GRIP1: variants seen among roughly 807,000 people sequenced by gnomAD.
GRIP1 encodes the protein glutamate receptor-interacting protein 1.
GRIP1 carries 45 observed loss-of-function variants against 129.9 expected under a neutral mutation model. That is an observed-to-expected ratio of 0.35 (90% CI 0.27 to 0.44). The LOEUF (loss-of-function observed/expected upper bound fraction) is 0.44, where lower values mean the gene tolerates loss of function less well. GRIP1 is among the 20% of genes least tolerant of loss of function. The probability of loss-of-function intolerance (pLI) is 1.00; values close to 1 mark genes in which losing one functional copy is unlikely to be tolerated. For synonymous variants in GRIP1, 530 were observed against 520.8 expected (o/e 1.02, Z -0.24); for missense variants, 1,196 against 1,396.8 (o/e 0.86, Z 2.29).
intron 1 of GRIP1, among the ~76,000 whole-genome samples, chr12:66,942,572 T>C (rs1342923943): frequency 6.6e-6 from 1 of 152,212 alleles, no homozygotes; most frequent in Non-Finnish European, 1.5e-5. Context: ...TAATCACACC[T>C]GGCATCCTTC....
rs372577258 is a variant in GRIP1 at position 66,396,845 on chromosome 12, T to G, written c.1985-2493A>C. The stretch of plus-strand genomic sequence containing the variant: ...AGGAGATTTGGCCAGGTGCAGTGGC[T>G]CACACCTGTAATCCCAGCGCTTTGG... On this transcript the variant is annotated intron_variant, in intron 16 of 24. Transcript: ENST00000359742. Among the ~76,000 whole-genome samples, 12 of 152,240 alleles carry G rather than the reference T, an allele frequency of 7.9e-5. No individual in the cohort carries two copies. In the South Asian group the frequency reaches 1.2e-3, roughly 16 times the overall value.
chr12:66,387,756 A>G (rs1246152677), intron 19 of GRIP1, among the ~76,000 whole-genome samples: 2 of 152,238 alleles, frequency 1.3e-5, no homozygotes, highest in Non-Finnish European at 2.9e-5. Context: ...TGATGATGAA[A>G]CATGAGCTTG....
At chr12:66,873,499 C>A (rs1485017999) in intron 1 of GRIP1, among the ~76,000 whole-genome samples, 1 of 152,056 alleles carries the variant, frequency 6.6e-6, no homozygotes, top group South Asian at 2.1e-4. Context: ...AAATACTCTA[C>A]ATCTCCTATA....
intron 2 of GRIP1, among the ~76,000 whole-genome samples, chr12:66,580,613 C>G (rs1437151792): frequency 6.8e-6 from 1 of 147,382 alleles, no homozygotes; most frequent in Admixed American, 6.8e-5. Context: ...CAATCCTAGT[C>G]TCTGATAAAA....
intron 1 of GRIP1, among the ~76,000 whole-genome samples, chr12:66,871,971 T>C (rs1438980220): frequency 1.3e-5 from 2 of 152,068 alleles, no homozygotes; most frequent in Non-Finnish European, 2.9e-5. Flanking sequence ...AGACTTCTGT[T>C]TGTCTTCTTT....
chr12:66,815,121 AC>A (rs2039183204), intron 1 of GRIP1, among the ~76,000 whole-genome samples: 1 of 152,210 alleles, frequency 6.6e-6, no homozygotes, highest in Admixed American at 6.5e-5. Flanking sequence ...AGCGTTTCAT[AC>A]AAATTTGTTT....
At chr12:66,928,498 A>T (rs1052928059) in intron 1 of GRIP1, among the ~76,000 whole-genome samples, 10 of 152,064 alleles carry the variant, frequency 6.6e-5, no homozygotes, top group African/African-American at 2.4e-4. Flanking sequence ...GCAACATAAA[A>T]TAATCTACTT....
At chr12:66,926,777 A>G (rs896142284) in intron 1 of GRIP1, among the ~76,000 whole-genome samples, 73 of 152,368 alleles carry the variant, frequency 4.8e-4, no homozygotes, top group African/African-American at 1.5e-3. Flanking sequence ...GAGACAAGGC[A>G]CATTTCACTA....
intron 1 of GRIP1, among the ~76,000 whole-genome samples, chr12:66,620,009 A>G (rs2065200822): frequency 6.6e-6 from 1 of 152,180 alleles, no homozygotes; most frequent in Non-Finnish European, 1.5e-5. Context: ...TACATCCATT[A>G]CTTCATTTGA....
At chr12:66,722,903 T>C (rs1430988586) in intron 1 of GRIP1, among the ~76,000 whole-genome samples, 3 of 152,196 alleles carry the variant, frequency 2.0e-5, no homozygotes, top group Non-Finnish European at 2.9e-5. Context: ...ATTTCTATTA[T>C]GCTTGCCTGT....
At chr12:66,638,515 T>G (rs560336617) in intron 1 of GRIP1, among the ~76,000 whole-genome samples, 5 of 152,278 alleles carry the variant, frequency 3.3e-5, no homozygotes, top group African/African-American at 1.2e-4. Flanking sequence ...CCCCACAAAA[T>G]AGTTTTTTAT....
intron 1 of GRIP1, among the ~76,000 whole-genome samples, chr12:66,989,412 G>A (rs775094585): frequency 2.0e-5 from 3 of 152,168 alleles, no homozygotes; most frequent in Non-Finnish European, 2.9e-5. Context: ...GAAGATCACT[G>A]TGTCCTTGGG....
intron 7 of GRIP1, among the ~76,000 whole-genome samples, chr12:66,474,341 C>T (rs564300649): frequency 5.9e-5 from 9 of 152,136 alleles, no homozygotes; most frequent in African/African-American, 2.2e-4. Flanking sequence ...AAAGACCAAA[C>T]CTACATTTGA....
intron 1 of GRIP1, among the ~76,000 whole-genome samples, chr12:66,956,730 T>C (rs1475634459): frequency 1.3e-5 from 2 of 152,174 alleles, no homozygotes; most frequent in Non-Finnish European, 2.9e-5. Context: ...CTCCTTTTAC[T>C]AGGGAATGGT....
intron 19 of GRIP1, among the ~76,000 whole-genome samples, chr12:66,389,968 A>G (rs1292018576): frequency 1.3e-5 from 2 of 152,230 alleles, no homozygotes; most frequent in East Asian, 3.9e-4. Flanking sequence ...GTCTTCGAGT[A>G]TCTAAGGGGC....
intron 22 of GRIP1, among the ~76,000 whole-genome samples, chr12:66,376,207 G>A (rs985929397): frequency 2.6e-5 from 4 of 152,120 alleles, no homozygotes. Flanking sequence ...AATTCTCTTT[G>A]CAGATTCACA....
At chr12:66,670,705 A>G (rs1384649174) in intron 1 of GRIP1, among the ~76,000 whole-genome samples, 2 of 152,172 alleles carry the variant, frequency 1.3e-5, no homozygotes, top group Non-Finnish European at 2.9e-5. Flanking sequence ...AAGACATTTA[A>G]TGGCTAACTT....
intron 19 of GRIP1, 83 bp from the exon 20 acceptor site, chr12:66,379,519 T>G: frequency 7.4e-7 from 1 of 1,350,572 alleles, no homozygotes; most frequent in African/African-American, 1.4e-5. Flanking sequence ...AGTAGAGGAG[T>G]CAAATTATAA....
chr12:66,368,392 A>C (rs1477918523), intron 23 of GRIP1, among the ~76,000 whole-genome samples: 1 of 152,172 alleles, frequency 6.6e-6, no homozygotes, highest in African/African-American at 2.4e-5. Flanking sequence ...CATACAGCCT[A>C]ACCATGTGAG....
Sources: gnomAD v4.1 joint callset for allele counts (sites outside exome capture counted in the v4.1 genomes callset) on GRCh38, gnomAD v4.1.1 for gene constraint, MANE v1.5 for transcripts, NCBI Gene and HGNC (gene_info 2026-07-23, HGNC 2026-07-21) for gene names.